The following COPG2 variants were observed in gnomAD, a reference collection of about 807,000 sequenced individuals.
The protein encoded by COPG2 is coat protein complex I subunit gamma 2, also known as coatomer subunit gamma-2.
A neutral mutation model predicts 46.3 loss-of-function variants in COPG2; 37 were observed. The observed-to-expected ratio is 0.80, with a 90% CI of 0.61 to 1.05. The LOEUF (loss-of-function observed/expected upper bound fraction) is 1.05. Among genes scored for constraint, COPG2 ranks in the 50% least tolerant of loss-of-function variants. The pLI, the probability that COPG2 is intolerant of heterozygous loss-of-function variation, is 0.00. For synonymous variants in COPG2, 159 were observed against 129.7 expected (o/e 1.23, Z -1.53); for missense variants, 427 against 387.8 (o/e 1.10, Z -0.85).
chr7:130,531,000 T>C (rs1799819249), intron 20 of COPG2, among the ~76,000 whole-genome samples: 1 of 149,994 alleles, frequency 6.7e-6, no homozygotes, highest in Non-Finnish European at 1.5e-5. Context: ...TTGAACTTTG[T>C]TGCAAAGGTG....
chr7:130,563,755 CAA>C (rs1239944614), intron 10 of COPG2, among the ~76,000 whole-genome samples: 2 of 89,008 alleles, frequency 2.2e-5, no homozygotes, highest in African/African-American at 6.6e-5. Flanking sequence ...GACTCCGTCT[CAA>C]AAAAAAAAAA....
chr7:130,535,161 G>A (rs1475103911), intron 20 of COPG2, among the ~76,000 whole-genome samples: 1 of 152,180 alleles, frequency 6.6e-6, no homozygotes, highest in Non-Finnish European at 1.5e-5. Flanking sequence ...CAGATGAAGC[G>A]ACAGGCCCTG....
chr7:130,532,223 G>A (rs1799833332), intron 20 of COPG2, among the ~76,000 whole-genome samples: 1 of 152,238 alleles, frequency 6.6e-6, no homozygotes, highest in South Asian at 2.1e-4. Flanking sequence ...TAGCTGCAAA[G>A]GCAATGGGAC....
intron 9 of COPG2, among the ~76,000 whole-genome samples, chr7:130,599,373 C>T (rs1554450068): frequency 6.6e-6 from 1 of 152,168 alleles, no homozygotes; most frequent in Non-Finnish European, 1.5e-5. Flanking sequence ...ATTATATGCT[C>T]ATTAACATAC....
intron 5 of COPG2, among the ~76,000 whole-genome samples, chr7:130,628,979 C>A (rs1449616438): frequency 6.6e-6 from 1 of 152,174 alleles, no homozygotes; most frequent in Non-Finnish European, 1.5e-5. Context: ...GCACAGGAGT[C>A]ATGCCACTGC....
chr7:130,575,062 C>T (rs951740702), intron 9 of COPG2, among the ~76,000 whole-genome samples: 4 of 152,066 alleles, frequency 2.6e-5, no homozygotes, highest in African/African-American at 9.7e-5. Context: ...TTATGTTAAA[C>T]GACCAAACCT....
intron 5 of COPG2, among the ~76,000 whole-genome samples, chr7:130,643,819 A>C (rs1250307705): frequency 6.6e-6 from 1 of 152,054 alleles, no homozygotes; most frequent in African/African-American, 2.4e-5. Flanking sequence ...ACACACACAA[A>C]TTAACTGGAG....
At chr7:130,544,483 C>A (rs1793395485) in intron 20 of COPG2, among the ~76,000 whole-genome samples, 1 of 152,022 alleles carries the variant, frequency 6.6e-6, no homozygotes. Context: ...CTATTAAAGA[C>A]TGTTTTAAAA....
At chr7:130,554,981 G>C in intron 13 of COPG2, 56 bp downstream of exon 13, 3 of 398,058 alleles carry the variant, frequency 7.5e-6, no homozygotes, top group Non-Finnish European at 1.3e-5. Flanking sequence ...GTATTTCATG[G>C]CAATCCTAAG....
At chr7:130,621,946 A>G (rs1795046636) in intron 5 of COPG2, among the ~76,000 whole-genome samples, 1 of 108,566 alleles carries the variant, frequency 9.2e-6, no homozygotes, top group South Asian at 2.2e-4. Flanking sequence ...TCCATCTCAA[A>G]AAAAAAAAAA....
intron 5 of COPG2, among the ~76,000 whole-genome samples, chr7:130,620,145 T>C (rs907001537): frequency 2.6e-5 from 4 of 152,330 alleles, no homozygotes; most frequent in African/African-American, 9.6e-5. Flanking sequence ...GGTTACTACT[T>C]CAGCAATGTC....
intron 5 of COPG2, among the ~76,000 whole-genome samples, chr7:130,637,895 G>C (rs1795376657): frequency 6.6e-6 from 1 of 152,190 alleles, no homozygotes; most frequent in Non-Finnish European, 1.5e-5. Flanking sequence ...GTGACCTTCA[G>C]ATGGGGTTTC....
At chr7:130,542,133 A>G (rs1186110214) in intron 20 of COPG2, among the ~76,000 whole-genome samples, 21 of 132,984 alleles carry the variant, frequency 1.6e-4, no homozygotes, top group African/African-American at 7.1e-4. Context: ...AATGTACTGC[A>G]GCAAGGGAGG....
chr7:130,587,981 C>T (rs551201554), intron 9 of COPG2, among the ~76,000 whole-genome samples: 9 of 151,840 alleles, frequency 5.9e-5, no homozygotes, highest in East Asian at 3.9e-4. Context: ...AAAAAGTGGG[C>T]GAAGTATATG....
intron 9 of COPG2, chr7:130,605,850 T>C (rs1794718523): frequency 2.0e-6 from 1 of 491,162 alleles, no homozygotes; most frequent in Non-Finnish European, 4.0e-6. Flanking sequence ...ATGGATCTTG[T>C]TGTAAGCCAT....
intron 4 of COPG2, among the ~76,000 whole-genome samples, chr7:130,653,315 G>A (rs1795785280): frequency 1.3e-5 from 2 of 152,094 alleles, no homozygotes; most frequent in Admixed American, 6.5e-5. Flanking sequence ...GTGCAATGGC[G>A]CAATCGTGGC....
intron 6 of COPG2, among the ~76,000 whole-genome samples, chr7:130,616,753 A>G (rs1464397206): frequency 5.9e-5 from 9 of 152,138 alleles, no homozygotes; most frequent in Admixed American, 4.6e-4. Context: ...CAAGCAATGT[A>G]CCCTCACTAC....
chr7:130,513,013 C>T (rs1201027239), intron 20 of COPG2, among the ~76,000 whole-genome samples: 4 of 151,442 alleles, frequency 2.6e-5, no homozygotes, highest in Non-Finnish European at 5.9e-5. Context: ...GGGCTGGGCA[C>T]GGTGGCTCAT....
chr7:130,564,494 G>A (rs1793771325), intron 9 of COPG2, 101 bp from the exon 10 acceptor site: 8 of 397,436 alleles, frequency 2.0e-5, no homozygotes. Context: ...CTTCTGGAAT[G>A]GTGGATGAGG....
Sources: gnomAD v4.1 joint callset for allele counts (sites outside exome capture counted in the v4.1 genomes callset) on GRCh38, gnomAD v4.1.1 for gene constraint, MANE v1.5 for transcripts, NCBI Gene and HGNC (gene_info 2026-07-23, HGNC 2026-07-21) for gene names.